ADAM10: variants seen among roughly 807,000 people sequenced by gnomAD.
The protein encoded by ADAM10 is ADAM metallopeptidase domain 10.
Under a neutral mutation model 90.1 loss-of-function variants are expected in ADAM10, and 17 were observed. The observed-to-expected ratio is 0.19, with a 90% CI of 0.13 to 0.28. ADAM10 has a LOEUF of 0.28. Among genes scored for constraint, ADAM10 ranks in the 10% least tolerant of loss-of-function variants. ADAM10 has a pLI of 1.00. For synonymous variants in ADAM10, 310 were observed against 298.6 expected, an observed-to-expected ratio of 1.04 and a Z score of -0.40; for missense variants, 610 against 914.3, an observed-to-expected ratio of 0.67 and a Z score of 4.29.
intron 8 of ADAM10, among the ~76,000 whole-genome samples, chr15:58,634,297 G>T: frequency 7.0e-6 from 1 of 142,854 alleles, no homozygotes. Context: ...GTGACACTCT[G>T]TCTAAAAAAA....
intron 8 of ADAM10, among the ~76,000 whole-genome samples, chr15:58,637,702 G>C (rs1380592524): frequency 6.6e-6 from 1 of 152,070 alleles, no homozygotes. Flanking sequence ...GTGTGTGTGT[G>C]TGTAGATTGT....
At chr15:58,667,728 T>C (rs879822666) in intron 4 of ADAM10, among the ~76,000 whole-genome samples, 1 of 152,054 alleles carries the variant, frequency 6.6e-6, no homozygotes, top group Non-Finnish European at 1.5e-5. Context: ...TCAACAAGGA[T>C]TCACTGATGG....
chr15:58,692,716 C>T (rs1359938321), intron 2 of ADAM10: 1 of 568,012 alleles, frequency 1.8e-6, no homozygotes, highest in South Asian at 1.4e-5. Context: ...GAAGGAACTC[C>T]CAGCAGAAGA....
intron 2 of ADAM10, among the ~76,000 whole-genome samples, chr15:58,716,372 G>C (rs1364988565): frequency 1.3e-5 from 2 of 152,204 alleles, no homozygotes; most frequent in African/African-American, 4.8e-5. Flanking sequence ...TGATGCCAAT[G>C]ATTCAGATAA....
chr15:58,727,909 A>C (rs1196905960), intron 1 of ADAM10, among the ~76,000 whole-genome samples: 1 of 152,224 alleles, frequency 6.6e-6, no homozygotes, highest in Admixed American at 6.5e-5. Context: ...GAAAAAGTTG[A>C]TAGAACAGAA....
chr15:58,722,697 T>C (rs540715615), intron 1 of ADAM10, among the ~76,000 whole-genome samples: 1 of 150,710 alleles, frequency 6.6e-6, no homozygotes, highest in Admixed American at 6.6e-5. Flanking sequence ...CCATGGAAAC[T>C]GACATTGAAA....
At chr15:58,707,537 A>G (rs1898343022) in intron 2 of ADAM10, among the ~76,000 whole-genome samples, 1 of 152,198 alleles carries the variant, frequency 6.6e-6, no homozygotes, top group South Asian at 2.1e-4. Flanking sequence ...TAAAACTAAA[A>G]CTTAAAATGA....
intron 14 of ADAM10, among the ~76,000 whole-genome samples, chr15:58,604,676 G>A (rs1182726475): frequency 3.3e-5 from 5 of 152,170 alleles, no homozygotes; most frequent in Admixed American, 6.5e-5. Flanking sequence ...TGACAAGGCC[G>A]TTACAACAGA....
At chr15:58,698,224 T>C (rs542956562) in intron 2 of ADAM10, 3 of 418,844 alleles carry the variant, frequency 7.2e-6, no homozygotes, top group African/African-American at 6.4e-5. Flanking sequence ...TGAGGTACAA[T>C]ATACAGACAC....
chr15:58,623,566 G>C (rs1190000033), intron 10 of ADAM10, among the ~76,000 whole-genome samples: 3 of 152,228 alleles, frequency 2.0e-5, no homozygotes, highest in Admixed American at 2.0e-4. Context: ...ATCAACCCAA[G>C]TGCCCATCAA....
chr15:58,634,153 A>C (rs955831426), intron 8 of ADAM10, among the ~76,000 whole-genome samples: 9 of 152,024 alleles, frequency 5.9e-5, no homozygotes, highest in African/African-American at 1.9e-4. Flanking sequence ...TCTACTAAAA[A>C]TACAAAAATT....
At position 58,705,533 on chromosome 15, in the gene ADAM10, G is replaced by A. The variant is rs527472446; in HGVS notation, c.206+12044C>T. Among the ~76,000 whole-genome samples the A allele has an allele frequency of 1.8e-4, 28 of 152,210 alleles. No homozygotes were observed. The South Asian group carries it at 4.8e-3, about 26-fold the overall frequency. ...TGCTCTGAATATGCAGTTTTACCACGTCGTAGTAATAGCTGGTTTTTCTTT... is the reference window on the plus strand; with the variant it reads ...TGCTCTGAATATGCAGTTTTACCACATCGTAGTAATAGCTGGTTTTTCTTT... On this transcript the variant is annotated intron_variant, in intron 2 of 15. Coordinates refer to ENST00000260408, the MANE Select transcript of ADAM10 (RefSeq NM_001110.4).
chr15:58,740,459 A>G (rs1899574119), intron 1 of ADAM10, among the ~76,000 whole-genome samples: 1 of 152,176 alleles, frequency 6.6e-6, no homozygotes, highest in Non-Finnish European at 1.5e-5. Flanking sequence ...TAGAAAAAAT[A>G]TGGTATAAAC....
chr15:58,633,413 A>G, intron 8 of ADAM10, 54 bp from the exon 9 acceptor site: 1 of 1,441,128 alleles, frequency 6.9e-7, no homozygotes, highest in Non-Finnish European at 9.8e-7. Context: ...CTTACCCCCA[A>G]AAAGGTAATA....
At chr15:58,689,888 G>A (rs1311136521) in intron 2 of ADAM10, among the ~76,000 whole-genome samples, 4 of 148,196 alleles carry the variant, frequency 2.7e-5, no homozygotes, top group Admixed American at 2.7e-4. Context: ...AAAACAGGAG[G>A]GAAGAGTACT....
chr15:58,661,758 C>A (rs906469185), intron 5 of ADAM10, among the ~76,000 whole-genome samples: 1 of 152,054 alleles, frequency 6.6e-6, no homozygotes, highest in African/African-American at 2.4e-5. Context: ...TCCTGCTGGA[C>A]GTCAATTATT....
intron 14 of ADAM10, among the ~76,000 whole-genome samples, chr15:58,602,024 T>C (rs1895125252): frequency 1.3e-5 from 2 of 152,222 alleles, no homozygotes; most frequent in South Asian, 4.1e-4. Context: ...ACCATGATTC[T>C]TGTTTCTCTT....
chr15:58,679,240 C>A lies in ADAM10; in HGVS notation c.368G>T (p.Arg123Ile), dbSNP rs1489395209. ...SFSHGSVIDGRFEGFIQTRGG... is the reference protein window; with the variant it reads ...SFSHGSVIDGIFEGFIQTRGG... ...ACGAGTCTGGATGAATCCTTCAAAT[C>A]TTCCATCAATAACAGACCCATGGCT... The change falls in exon 4 of 16, where the codon AGA becomes ATA. Residue 123 changes from arginine to isoleucine, a missense_variant. Coordinates refer to ENST00000260408, the MANE Select transcript of ADAM10 (RefSeq NM_001110.4). 1 of 1,613,904 alleles carries A rather than the reference C, an allele frequency of 6.2e-7. No individual in the cohort carries two copies. Among genetic ancestry groups the A allele is most frequent in the Non-Finnish European group, 8.5e-7 (1 of 1,180,010 alleles).
chr15:58,723,575 G>A (rs1476730139), intron 1 of ADAM10, among the ~76,000 whole-genome samples: 6 of 151,898 alleles, frequency 4.0e-5, no homozygotes, highest in African/African-American at 1.5e-4. Context: ...CGTGGTGACT[G>A]ACGCCTGTAA....
Sources: allele counts gnomAD v4.1 joint callset (sites outside exome capture counted in the v4.1 genomes callset), GRCh38; gene constraint gnomAD v4.1.1; transcripts MANE v1.5; gene names NCBI Gene and HGNC (gene_info 2026-07-23, HGNC 2026-07-21).